Variants in FOXN3 observed in about 807,000 individuals in gnomAD.
The protein encoded by FOXN3 is forkhead box N3.
A neutral mutation model predicts 38.4 loss-of-function variants in FOXN3; 7 were observed. The ratio of observed to expected loss-of-function variants is 0.18; its 90% CI spans 0.10 to 0.34. The LOEUF (loss-of-function observed/expected upper bound fraction) is 0.34, where lower values mean the gene tolerates loss of function less well. Ranked by LOEUF, FOXN3 falls within the 10% of genes least tolerant of loss-of-function variation. The probability of loss-of-function intolerance (pLI) is 1.00; values close to 1 mark genes in which losing one functional copy is unlikely to be tolerated. For synonymous variants in FOXN3, 230 were observed against 242.2 expected (o/e 0.95, Z 0.47); for missense variants, 456 against 613.4 (o/e 0.74, Z 2.71).
chr14:89,596,294 A>C (rs1220336857), intron 1 of FOXN3, among the ~76,000 whole-genome samples: 1 of 151,960 alleles, frequency 6.6e-6, no homozygotes, highest in Non-Finnish European at 1.5e-5. Flanking sequence ...CGTGCCACCA[A>C]GCCTAGCTCA....
At chr14:89,255,506 C>T (rs1302367883) in intron 4 of FOXN3, among the ~76,000 whole-genome samples, 4 of 152,168 alleles carry the variant, frequency 2.6e-5, no homozygotes, top group African/African-American at 9.7e-5. Context: ...AGTCCTATGA[C>T]AAAAGTCTTC....
At chr14:89,378,835 T>C (rs1191657907) in intron 2 of FOXN3, among the ~76,000 whole-genome samples, 1 of 151,764 alleles carries the variant, frequency 6.6e-6, no homozygotes, top group Non-Finnish European at 1.5e-5. Context: ...GCCTCCCGAG[T>C]ACCTGGGATT....
intron 1 of FOXN3, among the ~76,000 whole-genome samples, chr14:89,429,723 C>G (rs1193204216): frequency 6.6e-6 from 1 of 152,108 alleles, no homozygotes; most frequent in East Asian, 1.9e-4. Flanking sequence ...CATTTTGCTC[C>G]GCGGCTGAAC....
chr14:89,565,693 C>T (rs1275347109), intron 1 of FOXN3, among the ~76,000 whole-genome samples: 2 of 152,180 alleles, frequency 1.3e-5, no homozygotes, highest in African/African-American at 4.8e-5. Context: ...CACTTTCAAA[C>T]TCCAGAACCC....
intron 3 of FOXN3, among the ~76,000 whole-genome samples, chr14:89,333,749 TAAAAAAAAAAAAA>T (rs57491119): frequency 3.5e-5 from 2 of 57,290 alleles, no homozygotes; most frequent in South Asian, 1.5e-3. Flanking sequence ...GAGAGACTAT[TAAAAAAAAAAAAA>T]AAAAAAAAAA....
intron 1 of FOXN3, among the ~76,000 whole-genome samples, chr14:89,606,859 T>A (rs1303817169): frequency 2.7e-5 from 4 of 150,794 alleles, no homozygotes; most frequent in Admixed American, 6.6e-5. Context: ...AAAAAAAAAA[T>A]AAAATAAAAA....
At chr14:89,234,172 G>GT (rs555435418) in intron 4 of FOXN3, among the ~76,000 whole-genome samples, 186 of 152,334 alleles carry the variant, frequency 1.2e-3, no homozygotes, top group Non-Finnish European at 2.1e-3. Flanking sequence ...TAGTACAGGG[G>GT]TATTTCGTGT....
chr14:89,226,175 TAAAA>T (rs138507883), intron 4 of FOXN3, among the ~76,000 whole-genome samples: 1 of 108,274 alleles, frequency 9.2e-6, no homozygotes. Flanking sequence ...CAAGGAGACA[TAAAA>T]AAAAAAAAAA....
intron 1 of FOXN3, among the ~76,000 whole-genome samples, chr14:89,580,174 G>A (rs975248265): frequency 6.6e-6 from 1 of 152,128 alleles, no homozygotes; most frequent in African/African-American, 2.4e-5. Flanking sequence ...TTCCTCCTAA[G>A]AGTCTCCAGA....
At chr14:89,485,492 C>A (rs1244174568) in intron 1 of FOXN3, among the ~76,000 whole-genome samples, 1 of 152,168 alleles carries the variant, frequency 6.6e-6, no homozygotes, top group Non-Finnish European at 1.5e-5. Context: ...CCCTGACAAG[C>A]CCCAAAGGCC....
At chr14:89,226,450 AT>A (rs915772845) in intron 4 of FOXN3, among the ~76,000 whole-genome samples, 2 of 152,014 alleles carry the variant, frequency 1.3e-5, no homozygotes, top group Non-Finnish European at 2.9e-5. Context: ...TAAGTTTTAA[AT>A]TTTTTGTAGA....
At chr14:89,472,675 C>T (rs1010540576) in intron 1 of FOXN3, among the ~76,000 whole-genome samples, 1 of 146,236 alleles carries the variant, frequency 6.8e-6, no homozygotes, top group Non-Finnish European at 1.5e-5. Flanking sequence ...GAGCCGAGAT[C>T]GCGCCACTGC....
intron 1 of FOXN3, among the ~76,000 whole-genome samples, chr14:89,505,304 A>ACGGTCTCCCTCTGATGC (rs1555357733): frequency 1.9e-4 from 4 of 21,304 alleles, no homozygotes; most frequent in East Asian, 2.1e-3. Context: ...CCCTCTCCCC[A>ACGGTCTCCCTCTGATGC]CGGTCTCCCT....
intron 1 of FOXN3, among the ~76,000 whole-genome samples, chr14:89,519,884 G>A (rs2139819735): frequency 6.6e-6 from 1 of 152,160 alleles, no homozygotes; most frequent in South Asian, 2.1e-4. Flanking sequence ...AATCAAATAA[G>A]CAAACAAACA....
At chr14:89,398,752 G>A (rs187865295) in intron 2 of FOXN3, among the ~76,000 whole-genome samples, 6 of 152,332 alleles carry the variant, frequency 3.9e-5, no homozygotes, top group Middle Eastern at 3.4e-3. Context: ...TTGGAAGGCT[G>A]AAGCGGCCAG....
intron 4 of FOXN3, 109 bp from the exon 5 acceptor site, chr14:89,180,915 G>GGCAGAGAACATGCATTGA: frequency 4.3e-6 from 3 of 694,886 alleles, no homozygotes; most frequent in Non-Finnish European, 7.3e-6. Context: ...AGAGACAGAG[G>GGCAGAGAACATGCATTGA]GCAGAGACAG....
chr14:89,608,271 C>A (rs1034372770), intron 1 of FOXN3, among the ~76,000 whole-genome samples: 20 of 152,384 alleles, frequency 1.3e-4, no homozygotes, highest in African/African-American at 4.8e-4. Context: ...GCTGGGATTA[C>A]AGGCGTGAGC....
chr14:89,230,200 C>T (rs1884765771), intron 4 of FOXN3, among the ~76,000 whole-genome samples: 1 of 152,184 alleles, frequency 6.6e-6, no homozygotes, highest in Non-Finnish European at 1.5e-5. Flanking sequence ...ACTGTAAATC[C>T]CTCTATGGAG....
chr14:89,566,900 C>CT (rs553340214), intron 1 of FOXN3, among the ~76,000 whole-genome samples: 80 of 152,050 alleles, frequency 5.3e-4, no homozygotes, highest in African/African-American at 1.8e-3. Flanking sequence ...CCCCTACCCC[C>CT]TCCTTCTCCC....
Sources: gnomAD v4.1 joint callset for allele counts (sites outside exome capture counted in the v4.1 genomes callset) on GRCh38, gnomAD v4.1.1 for gene constraint, MANE v1.5 for transcripts, NCBI Gene and HGNC (gene_info 2026-07-23, HGNC 2026-07-21) for gene names.